DSCAML1: variants seen among roughly 807,000 people sequenced by gnomAD.
DSCAML1 encodes DS cell adhesion molecule like 1.
DSCAML1 carries 38 observed loss-of-function variants against 200.5 expected under a neutral mutation model. The observed-to-expected ratio is 0.19, with a 90% CI of 0.15 to 0.25. The LOEUF (loss-of-function observed/expected upper bound fraction) is 0.25, where lower values mean the gene tolerates loss of function less well. DSCAML1 is among the 10% of genes least tolerant of loss of function. The pLI, the probability that DSCAML1 is intolerant of heterozygous loss-of-function variation, is 1.00. For synonymous variants in DSCAML1, 1,215 were observed against 1,165.0 expected (o/e 1.04, Z -0.87); for missense variants, 2,223 against 2,858.8 (o/e 0.78, Z 5.07).
chr11:117,515,768 C>T (rs1349392668), intron 8 of DSCAML1, among the ~76,000 whole-genome samples: 2 of 151,814 alleles, frequency 1.3e-5, no homozygotes, highest in Admixed American at 6.6e-5. Context: ...TTACAGGCAC[C>T]TACCACCACG....
intron 3 of DSCAML1, among the ~76,000 whole-genome samples, chr11:117,736,443 C>T (rs2054317479): frequency 6.6e-6 from 1 of 152,218 alleles, no homozygotes; most frequent in Non-Finnish European, 1.5e-5. Context: ...TCAGAAATGA[C>T]ATCATCACCT....
intron 3 of DSCAML1, among the ~76,000 whole-genome samples, chr11:117,557,615 G>A (rs1162258977): frequency 6.6e-6 from 1 of 152,250 alleles, no homozygotes; most frequent in Non-Finnish European, 1.5e-5. Flanking sequence ...TCCATCTTGA[G>A]CAGCTCTGGC....
rs78113122 is a variant in DSCAML1, at chr11:117,457,050, C to T, written c.3568+1704G>A. On this transcript the variant is annotated intron_variant, in intron 19 of 32. Coordinates refer to ENST00000651296, the MANE Select transcript of DSCAML1 (RefSeq NM_020693.4). ...ATTTGCTAGTACTTGACATTTTAGACGTGGTATTAGTACTTGATGAGGTAC... is the reference window on the plus strand; with the variant it reads ...ATTTGCTAGTACTTGACATTTTAGATGTGGTATTAGTACTTGATGAGGTAC... 5.6e-4 allele frequency among the ~76,000 whole-genome samples: 86 copies of T among 152,264 alleles called. No homozygotes were observed. The East Asian group carries it at 0.011, about 19-fold the overall frequency.
chr11:117,508,568 G>A (rs982591473), intron 8 of DSCAML1, among the ~76,000 whole-genome samples: 4 of 151,984 alleles, frequency 2.6e-5, no homozygotes, highest in Admixed American at 6.6e-5. Context: ...GCTGCTCCTC[G>A]AGATGCTTTG....
At chr11:117,506,001 G>C (rs958374609) in intron 8 of DSCAML1, among the ~76,000 whole-genome samples, 2 of 152,186 alleles carry the variant, frequency 1.3e-5, no homozygotes, top group African/African-American at 4.8e-5. Flanking sequence ...CCTGGAATTT[G>C]ATTCATGCCT....
chr11:117,438,807 A>C (rs2047976631), intron 24 of DSCAML1, 78 bp downstream of exon 24: 2 of 1,252,670 alleles, frequency 1.6e-6, no homozygotes, highest in Middle Eastern at 1.9e-4. Flanking sequence ...CAAATGGCAG[A>C]AGTGGGTGAA....
chr11:117,762,852 G>A (rs570055314), intron 3 of DSCAML1, among the ~76,000 whole-genome samples: 2 of 132,148 alleles, frequency 1.5e-5, no homozygotes, highest in African/African-American at 2.8e-5. Flanking sequence ...AACAGAGTGA[G>A]ACTCTGTCTC....
In DSCAML1 at chr11:117,480,905, C is replaced by G. The variant is rs2048902352; in HGVS notation, c.2656+269G>C. On this transcript the variant is annotated intron_variant, in intron 13 of 32. Transcript: ENST00000651296. This position sits in a 1 kb window ranked among gnomAD's most constrained non-coding sequence, Gnocchi z 4.1. Reference sequence around the variant, plus strand: ...TGCTGCAGGGGCCTGGACCCAGGAACCTGACTCCCCCACCCCTCCCCAGAA... The same window carrying G: ...TGCTGCAGGGGCCTGGACCCAGGAAGCTGACTCCCCCACCCCTCCCCAGAA... Among the ~76,000 whole-genome samples the G allele has an allele frequency of 6.6e-6, 1 of 152,206 alleles. No individual in the cohort carries two copies. Among genetic ancestry groups the G allele is most frequent in the African/African-American group, 2.4e-5 (1 of 41,450 alleles).
Position 117,469,018 on chromosome 11 carries a change from GCT to G in DSCAML1, c.3024+890_3024+891del, listed in dbSNP as rs1291252883. Among the ~76,000 whole-genome samples, 7 of 152,202 alleles carry G rather than the reference GCT, an allele frequency of 4.6e-5. No individual in the cohort carries two copies. Among genetic ancestry groups the G allele is most frequent in the Non-Finnish European group, 7.3e-5 (5 of 68,036 alleles). ...GAAGAACACAGAAGGCCCTGAGAAT[GCT>G]CTCTGATCCAGAGCCCTGTGCAGTG... On this transcript the variant is annotated intron_variant, in intron 16 of 32. Coordinates refer to ENST00000651296, the MANE Select transcript of DSCAML1 (RefSeq NM_020693.4). This position sits in a 1 kb window ranked among gnomAD's most constrained non-coding sequence, Gnocchi z 4.1.
rs886112619 is a variant in DSCAML1, at chr11:117,444,129, G to C, written c.3709-90C>G. On this transcript the variant is annotated intron_variant, in intron 20 of 32. Coordinates refer to ENST00000651296, the MANE Select transcript of DSCAML1 (RefSeq NM_020693.4). The stretch of plus-strand genomic sequence containing the variant: ...CTCAGTGCCCGGGGCTCAGAGGAGA[G>C]GATGGCGGGGTCGGATGCGAGGCAG... The C allele has an allele frequency of 3.5e-6, 5 of 1,429,238 alleles. No homozygotes were observed. In the African/African-American group the frequency reaches 7.1e-5, roughly 20 times the overall value. The allele number at this position is 1,429,238 out of a possible 1,614,324, so 88.5% of individuals were successfully genotyped here.
chr11:117,476,019 C>T (rs1186428320), intron 14 of DSCAML1, among the ~76,000 whole-genome samples: 1 of 152,176 alleles, frequency 6.6e-6, no homozygotes, highest in Non-Finnish European at 1.5e-5. Context: ...TTTTCCTTTT[C>T]AGTTCTCAGA....
rs371233425 is a variant in DSCAML1, at chr11:117,433,370, C to T, written c.4907+71G>A. 2,845 of 1,593,206 alleles carry T rather than the reference C, an allele frequency of 1.8e-3. 6 individuals carry two copies. The highest frequency in any genetic ancestry group is 2.3e-3 in the Non-Finnish European group (2,727 of 1,169,006). ...TGCCTCCTATTCTGGGAGTTCAGAG[C>T]GAGGCTCCTGGGTCCTCCTCAGGAC... On this transcript the variant is annotated intron_variant, in intron 28 of 32. Transcript: ENST00000651296.
chr11:117,797,209 GCTCGGCTGCGGCGGCGGCTCCTCCCTC>G (rs750009836), exon 1 of DSCAML1: 13 of 1,503,990 alleles, frequency 8.6e-6, no homozygotes, highest in East Asian at 2.9e-5. Flanking sequence ...TCAGCCCAGC[GCTCGGCTGCGGCGGCGGCTCCTCCCTC>G]CTCGGCTCCC....
chr11:117,614,303 CG>C (rs1418278973), intron 3 of DSCAML1, among the ~76,000 whole-genome samples: 1 of 152,126 alleles, frequency 6.6e-6, no homozygotes, highest in Admixed American at 6.6e-5. Flanking sequence ...AAATGACAAT[CG>C]TGCAACAGCC....
At chr11:117,513,172 T>C (rs1411645683) in intron 8 of DSCAML1, among the ~76,000 whole-genome samples, 1 of 152,142 alleles carries the variant, frequency 6.6e-6, no homozygotes, top group Admixed American at 6.5e-5. Flanking sequence ...CGGCCCGTGA[T>C]GCTGCTTAAA....
At chr11:117,560,953 C>T (rs983777303) in intron 3 of DSCAML1, among the ~76,000 whole-genome samples, 4 of 152,186 alleles carry the variant, frequency 2.6e-5, no homozygotes, top group Non-Finnish European at 5.9e-5. Context: ...CTCCTGAGGG[C>T]GGGGCTCCAG....
intron 3 of DSCAML1, among the ~76,000 whole-genome samples, chr11:117,537,427 G>A (rs1001255418): frequency 2.6e-5 from 4 of 152,208 alleles, no homozygotes; most frequent in African/African-American, 9.6e-5. Context: ...ATGAGTAAAA[G>A]GAGCTGTACA....
intron 3 of DSCAML1, among the ~76,000 whole-genome samples, chr11:117,701,111 C>G (rs1282782628): frequency 6.6e-6 from 1 of 152,004 alleles, no homozygotes; most frequent in African/African-American, 2.4e-5. Context: ...ACTAAAAATA[C>G]AAAAATTAGC....
chr11:117,724,916 A>G (rs2054099050), intron 3 of DSCAML1, among the ~76,000 whole-genome samples: 1 of 152,214 alleles, frequency 6.6e-6, no homozygotes, highest in Non-Finnish European at 1.5e-5. Context: ...GGAGGACCCC[A>G]GGTTAGACCT....
Sources: gnomAD v4.1 joint callset for allele counts (sites outside exome capture counted in the v4.1 genomes callset) on GRCh38, gnomAD v4.1.1 for gene constraint, Gnocchi (gnomAD v3.1) non-coding constraint, MANE v1.5 for transcripts, NCBI Gene and HGNC (gene_info 2026-07-23, HGNC 2026-07-21) for gene names.